Variants in ADGRB2 observed in about 807,000 individuals in gnomAD.
The protein encoded by ADGRB2 is brain-specific angiogenesis inhibitor 2.
A neutral mutation model predicts 178.7 loss-of-function variants in ADGRB2; 47 were observed. The observed-to-expected ratio is 0.26, with a 90% CI of 0.21 to 0.34. The LOEUF is 0.34. Ranked by LOEUF, ADGRB2 falls within the 10% of genes least tolerant of loss-of-function variation. The pLI, the probability that ADGRB2 is intolerant of heterozygous loss-of-function variation, is 1.00. For synonymous variants in ADGRB2, 870 were observed against 912.4 expected (o/e 0.95, Z 0.84); for missense variants, 1,584 against 2,180.8 (o/e 0.73, Z 5.45).
rs1646685383 is a variant in ADGRB2, at chr1:31,753,517, T to C, written c.838+2482A>G. Among the ~76,000 whole-genome samples the C allele has an allele frequency of 6.6e-6, 1 of 152,256 alleles. No homozygotes were observed. Among genetic ancestry groups the C allele is most frequent in the East Asian group, 1.9e-4 (1 of 5,178 alleles). On this transcript the variant is annotated intron_variant, in intron 4 of 32. Coordinates refer to ENST00000373658, the MANE Select transcript of ADGRB2 (RefSeq NM_001364857.2). This position sits in a 1 kb window ranked among gnomAD's most constrained non-coding sequence, Gnocchi z 4.1. ...TTCCTCGGGGGTGTCCCAGAGAAGATGAACACAGCTTCCCTGCCCTGGTGC... is the reference window on the plus strand; with the variant it reads ...TTCCTCGGGGGTGTCCCAGAGAAGACGAACACAGCTTCCCTGCCCTGGTGC...
At chr1:31,729,416 C>T (rs1344429734) in intron 29 of ADGRB2, among the ~76,000 whole-genome samples, 2 of 152,132 alleles carry the variant, frequency 1.3e-5, no homozygotes, top group African/African-American at 4.8e-5. Context: ...TTTTCCTCTC[C>T]TCTCCCTACC....
In ADGRB2 at chr1:31,730,922, C is replaced by T. The variant is rs1361962946; in HGVS notation, c.4258G>A (p.Gly1420Arg). The T allele has an allele frequency of 1.9e-6, 3 of 1,582,494 alleles. No homozygotes were observed. In the South Asian group the frequency reaches 3.5e-5, roughly 18 times the overall value. ...PAYGSLQNPY[G>R]MTFQPPPPTP... ...GGCGGTGGCGGTTGGAAGGTCATTC[C>T]ATAGGGATTCTGGAGAGATCCATAG... The change falls in exon 29 of 33, where the codon GGA (glycine) becomes AGA (arginine). Residue 1420 changes from glycine to arginine, a missense_variant. By Grantham distance (125) the Gly-to-Arg change is moderately radical. Around this residue, in one of 3 missense-constraint regions of ADGRB2, gnomAD observed 865 missense variants for 1,192.8 expected, o/e 0.73. Transcript: ENST00000373658.
intron 7 of ADGRB2, among the ~76,000 whole-genome samples, 172 bp from the exon 8 acceptor site, chr1:31,742,389 G>A (rs12739999): frequency 0.33 from 50,107 of 152,100 alleles, 11,617 homozygotes; most frequent in African/African-American, 0.66. Flanking sequence ...GTGAGCAGGT[G>A]GTGCCTGGGC....
At position 31,763,908 on chromosome 1, in the gene ADGRB2, G is replaced by A. The variant is rs1259287239; in HGVS notation, c.-215C>T. The A allele has an allele frequency of 3.0e-6, 3 of 985,660 alleles. No homozygotes were observed. Among genetic ancestry groups the A allele is most frequent in the Non-Finnish European group, 2.4e-6 (2 of 830,132 alleles). The allele number at this position is 985,660 out of a possible 1,614,324, so 61.1% of individuals were successfully genotyped here. A position where few individuals can be genotyped will look rare whatever the true frequency, so the allele number is the denominator to read the frequency against. On this transcript the variant is annotated 5_prime_UTR_variant, in exon 1 of 33. Transcript: ENST00000373658. ...CCTGGGCGCCGTCAGCAGCAGGAGC[G>A]GGGGCCGGCGCTGGCGGGGGCGGCC...
rs1267529233 is a variant in ADGRB2 at position 31,761,835 on chromosome 1, C to A, written c.-191+2049G>T. Among the ~76,000 whole-genome samples the A allele has an allele frequency of 6.6e-6, 1 of 152,152 alleles. No individual in the cohort carries two copies. Among genetic ancestry groups the A allele is most frequent in the Non-Finnish European group, 1.5e-5 (1 of 68,030 alleles). On this transcript the variant is annotated intron_variant, in intron 1 of 32. Transcript: ENST00000373658. The surrounding 1 kb of genome is among the most constrained non-coding windows in gnomAD (Gnocchi z 4.2). ...CCTTGGCCTTGAACAGAAACAGCCCCACACCCCTATCAATATTGAGCATTG... is the reference window on the plus strand; with the variant it reads ...CCTTGGCCTTGAACAGAAACAGCCCAACACCCCTATCAATATTGAGCATTG...
At chr1:31,736,053 T>C (rs1249805395) in intron 22 of ADGRB2, among the ~76,000 whole-genome samples, 160 bp from the exon 23 acceptor site, 1 of 152,146 alleles carries the variant, frequency 6.6e-6, no homozygotes, top group East Asian at 1.9e-4. Context: ...GAGCCTCGGT[T>C]TCCCCTCCAA....
intron 29 of ADGRB2, among the ~76,000 whole-genome samples, chr1:31,730,330 G>T (rs1448472459): frequency 6.6e-6 from 1 of 152,150 alleles, no homozygotes; most frequent in Non-Finnish European, 1.5e-5. Context: ...CTTTCTACTT[G>T]CTCCACATAA....
chr1:31,728,684 C>T lies in ADGRB2; in HGVS notation c.4381-51G>A. ...TGGAGGAGAAGAAAGCTTTTTACCA[C>T]CGGCAGGGGCTTTAGAGACAGGAAG... On this transcript the variant is annotated intron_variant, in intron 29 of 32. Coordinates refer to ENST00000373658, the MANE Select transcript of ADGRB2 (RefSeq NM_001364857.2). The surrounding 1 kb of genome is among the most constrained non-coding windows in gnomAD (Gnocchi z 6.7). 2 of 1,604,426 alleles carry T rather than the reference C, an allele frequency of 1.2e-6. No homozygotes were observed. Among genetic ancestry groups the T allele is most frequent in the East Asian group, 4.5e-5 (2 of 44,772 alleles).
chr1:31,760,045 C>T (rs1385135724), intron 1 of ADGRB2, among the ~76,000 whole-genome samples: 1 of 152,220 alleles, frequency 6.6e-6, no homozygotes, highest in African/African-American at 2.4e-5. Flanking sequence ...AAACGCTGCC[C>T]TCTTGCCTGC....
Position 31,733,057 on chromosome 1 carries a change from G to T in ADGRB2, c.3539C>A (p.Ser1180Tyr). The part of the protein sequence containing the change: ...SAVLAMTDRR[S>Y]VLFQALFAVF... The stretch of plus-strand genomic sequence containing the variant: ...AGCAAAGAGGGCCTGGAAGAGGACG[G>T]AACGGCGGTCTGTCATAGCCAGGAC... The change falls in exon 26 of 33, where the codon TCC becomes TAC. Residue 1180 changes from serine to tyrosine, a missense_variant. By Grantham distance (144) the Ser-to-Tyr change is moderately radical. This residue lies in a region of ADGRB2 where 865 missense variants were observed against 1,192.8 expected (regional missense o/e 0.73). Transcript: ENST00000373658. The surrounding 1 kb of genome is among the most constrained non-coding windows in gnomAD (Gnocchi z 4.3). 6.3e-7 allele frequency: 1 copy of T among 1,579,486 alleles called. No individual in the cohort carries two copies. The highest frequency in any genetic ancestry group is 8.6e-7 in the Non-Finnish European group (1 of 1,162,788).
At chr1:31,739,010 G>C (rs1645788710) in intron 15 of ADGRB2, 73 bp from the exon 16 acceptor site, 7 of 1,354,770 alleles carry the variant, frequency 5.2e-6, no homozygotes, top group Non-Finnish European at 7.2e-6. Flanking sequence ...AAGCCGCTTT[G>C]GATGGGTGTG....
chr1:31,742,295 A>G, intron 7 of ADGRB2, 78 bp from the exon 8 acceptor site: 1 of 1,512,662 alleles, frequency 6.6e-7, no homozygotes, highest in East Asian at 2.3e-5. Context: ...CCACAGGAAG[A>G]CCCAGAGCCT....
intron 4 of ADGRB2, among the ~76,000 whole-genome samples, chr1:31,749,850 G>A (rs375547974): frequency 4.4e-4 from 67 of 152,206 alleles, no homozygotes; most frequent in African/African-American, 1.6e-3. Context: ...CCACGAGTTC[G>A]AGGCTGCAGT....
At position 31,755,888 on chromosome 1, in the gene ADGRB2, G is replaced by A; in HGVS notation, c.838+111C>T. 1.4e-6 allele frequency: 2 copies of A among 1,409,840 alleles called. No individual in the cohort carries two copies. Among genetic ancestry groups the A allele is most frequent in the Non-Finnish European group, 9.6e-7 (1 of 1,038,528 alleles). 87.3% of individuals were successfully genotyped at this position (1,409,840 alleles called of 1,614,324 possible). A position where few individuals can be genotyped will look rare whatever the true frequency, so the allele number is the denominator to read the frequency against. ...ACATTTGGACAAGGCTCAGCAGAGG[G>A]GTGACATCAGTGAACAGCTACATGC... is the stretch of plus-strand genomic sequence containing the variant. On this transcript the variant is annotated intron_variant, in intron 4 of 32. Transcript: ENST00000373658. The surrounding 1 kb of genome is among the most constrained non-coding windows in gnomAD (Gnocchi z 5.1).
Position 31,741,611 on chromosome 1 carries a change from A to G in ADGRB2, c.1687+13T>C, listed in dbSNP as rs1403301506. ...AGGGGTGGTGGTGGTGGGGAAAGCC[A>G]CCTGCCCCTTACCTGAGGCATTCGG... On this transcript the variant is annotated intron_variant, in intron 10 of 32. Coordinates refer to ENST00000373658, the MANE Select transcript of ADGRB2 (RefSeq NM_001364857.2). The surrounding 1 kb of genome is among the most constrained non-coding windows in gnomAD (Gnocchi z 6.5). 6.2e-7 allele frequency: 1 copy of G among 1,612,378 alleles called. No homozygotes were observed. Among genetic ancestry groups the G allele is most frequent in the Admixed American group, 1.7e-5 (1 of 59,914 alleles).
chr1:31,746,090 G>C (rs564957032), intron 4 of ADGRB2, among the ~76,000 whole-genome samples: 3 of 152,282 alleles, frequency 2.0e-5, no homozygotes, highest in African/African-American at 7.2e-5. Flanking sequence ...TTGACCAGCT[G>C]TGTGGCCTCG....
At position 31,735,800 on chromosome 1, in the gene ADGRB2, C is replaced by T. The variant is rs1419269553; in HGVS notation, c.3267+27G>A. The stretch of plus-strand genomic sequence containing the variant: ...AGGATGACCCTCTGGGGCCATGCCC[C>T]TTCCAAGATGCTGAACGGGCACATA... On this transcript the variant is annotated intron_variant, in intron 23 of 32. Transcript: ENST00000373658. This position sits in a 1 kb window ranked among gnomAD's most constrained non-coding sequence, Gnocchi z 6.0. The T allele has an allele frequency of 1.2e-6, 2 of 1,605,692 alleles. No homozygotes were observed. Among genetic ancestry groups the T allele is most frequent in the East Asian group, 2.2e-5 (1 of 44,582 alleles).
At position 31,764,074 on chromosome 1, in the gene ADGRB2, C is replaced by A; in HGVS notation, c.-381G>T. The stretch of plus-strand genomic sequence containing the variant: ...GCGCCGCGGAGCAGCGCGGGGCGGG[C>A]GGGCGGGCGGCGCCGGGCCGGGCGC... On this transcript the variant is annotated 5_prime_UTR_variant, in exon 1 of 33. Coordinates refer to ENST00000373658, the MANE Select transcript of ADGRB2 (RefSeq NM_001364857.2). The surrounding 1 kb of genome is among the most constrained non-coding windows in gnomAD (Gnocchi z 7.3). 1.3e-5 allele frequency: 1 copy of A among 77,996 alleles called. No homozygotes were observed. 4.8% of individuals were successfully genotyped at this position (77,996 alleles called of 1,614,324 possible).
At chr1:31,739,205 C>G in intron 15 of ADGRB2, 103 bp downstream of exon 15, 1 of 1,249,986 alleles carries the variant, frequency 8.0e-7, no homozygotes, top group Non-Finnish European at 1.1e-6. Flanking sequence ...GTGGAGGAGG[C>G]TGCCATGGAT....
Sources: allele counts gnomAD v4.1 joint callset (sites outside exome capture counted in the v4.1 genomes callset), GRCh38; gene constraint gnomAD v4.1.1; regional missense constraint gnomAD v4.1.1; non-coding constraint Gnocchi (gnomAD v3.1); transcripts MANE v1.5; gene names NCBI Gene and HGNC (gene_info 2026-07-23, HGNC 2026-07-21).